Variants in PRKN observed in about 807,000 individuals in gnomAD.
The protein encoded by PRKN is parkin RBR E3 ubiquitin protein ligase, also known as E3 ubiquitin-protein ligase parkin.
In PRKN, 56 loss-of-function variants were observed where a neutral mutation model predicts 59.5. The observed-to-expected ratio is 0.94, with a 90% CI of 0.76 to 1.18. PRKN has a LOEUF of 1.18. Ranked by LOEUF, PRKN falls within the 50% of genes most tolerant of loss-of-function variation. The pLI is 0.00. For synonymous variants in PRKN, 250 were observed against 222.1 expected (o/e 1.13, Z -1.12); for missense variants, 657 against 596.4 (o/e 1.10, Z -1.06).
intron 9 of PRKN, among the ~76,000 whole-genome samples, chr6:161,486,179 A>G (rs1791634643): frequency 6.6e-6 from 1 of 152,182 alleles, no homozygotes; most frequent in African/African-American, 2.4e-5. Context: ...CGTTCTTTCT[A>G]TATTTCATTA....
intron 2 of PRKN, among the ~76,000 whole-genome samples, chr6:162,274,176 T>TTAATTA (rs1780508667): frequency 2.7e-5 from 4 of 148,534 alleles, no homozygotes; most frequent in African/African-American, 1.0e-4. Context: ...TTTATTAATT[T>TTAATTA]ATTAATGTAT....
chr6:161,360,265 T>C lies in PRKN; in HGVS notation c.1168-60A>G. 7.5e-7 allele frequency: 1 copy of C among 1,329,914 alleles called. No homozygotes were observed. Among genetic ancestry groups the C allele is most frequent in the Non-Finnish European group, 1.1e-6 (1 of 920,064 alleles). The allele number at this position is 1,329,914 out of a possible 1,614,324, so 82.4% of individuals were successfully genotyped here. ...GCTTTCTATTACTGGGATCAGAGTTTATGTTCCCTGTACGTCGGTACAGGA... is the reference window on the plus strand; with the variant it reads ...GCTTTCTATTACTGGGATCAGAGTTCATGTTCCCTGTACGTCGGTACAGGA... On this transcript the variant is annotated intron_variant, in intron 10 of 11. Coordinates refer to ENST00000366898, the MANE Select transcript of PRKN (RefSeq NM_004562.3). This position sits in a 1 kb window ranked among gnomAD's most constrained non-coding sequence, Gnocchi z 5.1.
chr6:162,544,494 T>C (rs1048258422), intron 1 of PRKN, among the ~76,000 whole-genome samples: 2 of 152,142 alleles, frequency 1.3e-5, no homozygotes, highest in African/African-American at 4.8e-5. Context: ...TTGCAGACTT[T>C]TAGTGACCAC....
chr6:161,721,300 A>G lies in PRKN; in HGVS notation c.871+64472T>C, dbSNP rs117524965. On this transcript the variant is annotated intron_variant, in intron 7 of 11. Transcript: ENST00000366898. ...TCATTAGAATATGCAGAATAGAGAG[A>G]ACATTTGAGCATTTTTATTTCAAAA... Among the ~76,000 whole-genome samples the G allele has an allele frequency of 1.4e-3, 216 of 152,298 alleles. 1 individual carries two copies. Among genetic ancestry groups the G allele is most frequent in the East Asian group, 7.9e-3 (41 of 5,176 alleles).
intron 4 of PRKN, among the ~76,000 whole-genome samples, chr6:162,089,874 G>A (rs1414106535): frequency 2.0e-5 from 3 of 152,260 alleles, no homozygotes; most frequent in Admixed American, 2.0e-4. Context: ...CCAGGTACTC[G>A]GGGAAGAGGG....
chr6:162,375,262 T>C (rs77672673), intron 2 of PRKN, among the ~76,000 whole-genome samples: 2,497 of 152,210 alleles, frequency 0.016, 44 homozygotes, highest in East Asian at 0.07. Flanking sequence ...CTAAACTTCA[T>C]GTAACACCTT....
chr6:161,896,108 G>A (rs1265529293), intron 6 of PRKN, among the ~76,000 whole-genome samples: 2 of 152,176 alleles, frequency 1.3e-5, no homozygotes, highest in African/African-American at 4.8e-5. Flanking sequence ...TAAATTATGT[G>A]AGAGAAAATA....
intron 7 of PRKN, among the ~76,000 whole-genome samples, chr6:161,609,569 A>G (rs1266921451): frequency 6.6e-6 from 1 of 152,236 alleles, no homozygotes; most frequent in African/African-American, 2.4e-5. Context: ...ATTAAATAAC[A>G]GAAAAGCTTC....
In PRKN at chr6:161,466,182, T is replaced by C. The variant is rs993042696; in HGVS notation, c.1084-79305A>G. On this transcript the variant is annotated intron_variant, in intron 9 of 11. Coordinates refer to ENST00000366898, the MANE Select transcript of PRKN (RefSeq NM_004562.3). This position sits in a 1 kb window ranked among gnomAD's most constrained non-coding sequence, Gnocchi z 5.0. The stretch of plus-strand genomic sequence containing the variant: ...CACCATGCTGTACATTAGATCCCCC[T>C]GTGTTTCTATTTGAACAGTTTATAT... Among the ~76,000 whole-genome samples the C allele has an allele frequency of 2.0e-5, 3 of 152,172 alleles. No individual in the cohort carries two copies. Among genetic ancestry groups the C allele is most frequent in the Non-Finnish European group, 4.4e-5 (3 of 68,030 alleles).
chr6:162,266,298 T>TTGTGTGTGTGTGTGTG (rs60841593), intron 2 of PRKN, among the ~76,000 whole-genome samples: 2 of 146,094 alleles, frequency 1.4e-5, no homozygotes, highest in Admixed American at 1.4e-4. Flanking sequence ...TACATATATA[T>TTGTGTGTGTGTGTGTG]TGTGTGTGTG....
At chr6:162,555,133 G>A (rs1251309521) in intron 1 of PRKN, among the ~76,000 whole-genome samples, 1 of 151,982 alleles carries the variant, frequency 6.6e-6, no homozygotes, top group African/African-American at 2.4e-5. Context: ...TAAATGACTG[G>A]CAAAAGTCAA....
intron 3 of PRKN, among the ~76,000 whole-genome samples, chr6:162,258,988 A>G (rs917224329): frequency 4.6e-5 from 7 of 152,172 alleles, no homozygotes; most frequent in Non-Finnish European, 8.8e-5. Context: ...ATATGAGGCT[A>G]CAGCCCAGCT....
intron 1 of PRKN, among the ~76,000 whole-genome samples, chr6:162,562,095 G>A (rs9458597): frequency 6.6e-6 from 1 of 151,806 alleles, no homozygotes; most frequent in Admixed American, 6.6e-5. Flanking sequence ...TTGTATCTTG[G>A]ATACTAGCTT....
intron 1 of PRKN, among the ~76,000 whole-genome samples, chr6:162,647,949 C>CAAA (rs398003250): frequency 0.12 from 9,425 of 75,722 alleles, 2,465 homozygotes; most frequent in Admixed American, 0.18. Context: ...GTCCACAGTG[C>CAAA]AAAAAAAAAA....
intron 2 of PRKN, among the ~76,000 whole-genome samples, chr6:162,397,095 C>G (rs1335789260): frequency 6.6e-6 from 1 of 152,194 alleles, no homozygotes; most frequent in East Asian, 1.9e-4. Flanking sequence ...GAGGCCTTCT[C>G]TTCCCACTAG....
At chr6:162,393,940 T>C (rs1385058866) in intron 2 of PRKN, among the ~76,000 whole-genome samples, 2 of 152,222 alleles carry the variant, frequency 1.3e-5, no homozygotes, top group African/African-American at 2.4e-5. Flanking sequence ...CATGATTATA[T>C]GGTCATTTTG....
chr6:162,683,479 G>A (rs1292821207), intron 1 of PRKN, among the ~76,000 whole-genome samples: 1 of 152,126 alleles, frequency 6.6e-6, no homozygotes, highest in Non-Finnish European at 1.5e-5. Flanking sequence ...AGCAACCTTA[G>A]TCTATTAAGA....
chr6:161,512,486 G>T (rs920047502), intron 9 of PRKN, among the ~76,000 whole-genome samples: 3 of 152,192 alleles, frequency 2.0e-5, no homozygotes, highest in Admixed American at 6.5e-5. Flanking sequence ...TCGTTGGTAG[G>T]GATGACACCT....
chr6:161,460,621 C>G lies in PRKN; in HGVS notation c.1084-73744G>C, dbSNP rs1273283510. On this transcript the variant is annotated intron_variant, in intron 9 of 11. Transcript: ENST00000366898. This position sits in a 1 kb window ranked among gnomAD's most constrained non-coding sequence, Gnocchi z 5.0. ...GGAGTTCCGGGGGCACAAGGCCAAG[C>G]TGAAGAAGACACAACTTCATCGCCG... 6.6e-6 allele frequency among the ~76,000 whole-genome samples: 1 copy of G among 152,156 alleles called. No homozygotes were observed. The highest frequency in any genetic ancestry group is 1.5e-5 in the Non-Finnish European group (1 of 68,024).
Sources: allele counts gnomAD v4.1 joint callset (sites outside exome capture counted in the v4.1 genomes callset), GRCh38; gene constraint gnomAD v4.1.1; non-coding constraint Gnocchi (gnomAD v3.1); transcripts MANE v1.5; gene names NCBI Gene and HGNC (gene_info 2026-07-23, HGNC 2026-07-21).